The following TTC23L variants were observed in gnomAD, a reference collection of about 807,000 sequenced individuals.
The protein encoded by TTC23L is tetratricopeptide repeat protein 23-like.
TTC23L carries 42 observed loss-of-function variants against 48.1 expected under a neutral mutation model. The observed-to-expected ratio is 0.87, with a 90% confidence interval of 0.68 to 1.13. TTC23L has a LOEUF of 1.13. TTC23L is among the 50% of genes most tolerant of loss of function. TTC23L has a pLI of 0.00. For synonymous variants in TTC23L, 159 were observed against 157.2 expected, an observed-to-expected ratio of 1.01 and a Z score of -0.09; for missense variants, 391 against 421.0, an observed-to-expected ratio of 0.93 and a Z score of 0.62.
intron 9 of TTC23L, among the ~76,000 whole-genome samples, chr5:34,884,177 A>G (rs1762409642): frequency 6.6e-6 from 1 of 152,220 alleles, no homozygotes; most frequent in Non-Finnish European, 1.5e-5. Context: ...TGAGATGCAG[A>G]AAAAGCATTG....
At chr5:34,903,813 T>A (rs534694118), downstream of TTC23L, among the ~76,000 whole-genome samples, 1 of 152,310 alleles carries the variant, frequency 6.6e-6, no homozygotes, top group South Asian at 2.1e-4. Flanking sequence ...ACAGAGCTCT[T>A]ACAATTCTTC....
the TTC23L span, chr5:34,911,886 A>G: frequency 1.5e-5 from 22 of 1,505,238 alleles, no homozygotes; most frequent in East Asian, 2.3e-5. Flanking sequence ...AATGATACAT[A>G]AAATTTCTCA....
At chr5:34,873,475 A>G (rs1356712808) in intron 8 of TTC23L, among the ~76,000 whole-genome samples, 3 of 152,180 alleles carry the variant, frequency 2.0e-5, no homozygotes, top group East Asian at 1.9e-4. Flanking sequence ...GAGAATTGCA[A>G]TGTTATCACC....
Position 34,856,684 on chromosome 5 carries a change from A to G in TTC23L, c.380-6214A>G, listed in dbSNP as rs1467017772. Among the ~76,000 whole-genome samples the G allele has an allele frequency of 2.0e-5, 3 of 152,264 alleles. No homozygotes were observed. In the South Asian group the frequency reaches 6.2e-4, roughly 32 times the overall value. On this transcript the variant is annotated intron_variant, in intron 4 of 10. Transcript: ENST00000505624. Reference sequence around the variant, plus strand: ...AATGGACACATTAATGGTAGAGAACAAAGGACCTTGATAAAGAGTTAGCAA... The same window carrying G: ...AATGGACACATTAATGGTAGAGAACGAAGGACCTTGATAAAGAGTTAGCAA...
intron 4 of TTC23L, among the ~76,000 whole-genome samples, chr5:34,855,858 A>G (rs1760087392): frequency 1.3e-5 from 2 of 152,344 alleles, no homozygotes; most frequent in Non-Finnish European, 1.5e-5. Context: ...GTACACAAGA[A>G]TGAAACAAAA....
chr5:34,873,409 A>T (rs1297463753), intron 8 of TTC23L, among the ~76,000 whole-genome samples: 1 of 152,166 alleles, frequency 6.6e-6, no homozygotes, highest in Non-Finnish European at 1.5e-5. Context: ...GTAAAGAGAA[A>T]ATCAGTGGCC....
At chr5:34,923,238 A>G in the TTC23L span, 1 of 1,581,138 alleles carries the variant, frequency 6.3e-7, no homozygotes, top group Non-Finnish European at 8.7e-7. Flanking sequence ...CTTTCAGGTA[A>G]GCTTTACTTG....
At chr5:34,874,881 C>G (rs1432486372) in intron 8 of TTC23L, among the ~76,000 whole-genome samples, 3 of 152,090 alleles carry the variant, frequency 2.0e-5, no homozygotes, top group African/African-American at 7.2e-5. Flanking sequence ...TTTTAAACAT[C>G]AGTGGTCTAA....
chr5:34,857,926 C>A (rs914495380), intron 4 of TTC23L, among the ~76,000 whole-genome samples: 2 of 152,160 alleles, frequency 1.3e-5, no homozygotes, highest in Non-Finnish European at 2.9e-5. Flanking sequence ...AGATGCTGAT[C>A]AAAGGTGACT....
chr5:34,925,286 G>A, the TTC23L span: 2 of 1,611,666 alleles, frequency 1.2e-6, no homozygotes, highest in Non-Finnish European at 1.7e-6. Context: ...GCAAGTGAAA[G>A]ATGTGCAAAA....
At chr5:34,912,270 C>T in the TTC23L span, among the ~76,000 whole-genome samples, 1 of 152,152 alleles carries the variant, frequency 6.6e-6, no homozygotes, top group African/African-American at 2.4e-5. Flanking sequence ...ACTTTTCCAA[C>T]TGGGAGATAT....
downstream of TTC23L, among the ~76,000 whole-genome samples, chr5:34,902,965 A>G (rs74946049): frequency 7.2e-6 from 1 of 138,450 alleles, no homozygotes; most frequent in Non-Finnish European, 1.5e-5. Context: ...GACTGACATT[A>G]AAAAAAAAAA....
the TTC23L span, chr5:34,907,487 G>C: frequency 6.6e-6 from 1 of 152,164 alleles, no homozygotes; most frequent in Non-Finnish European, 1.5e-5. Context: ...CTTTACTCAT[G>C]TAATTTTTTC....
intron 9 of TTC23L, among the ~76,000 whole-genome samples, chr5:34,895,805 T>G (rs1763185428): frequency 6.6e-6 from 1 of 152,212 alleles, no homozygotes; most frequent in Non-Finnish European, 1.5e-5. Context: ...CTGCAGTACA[T>G]TTTGTATCAG....
intron 9 of TTC23L, among the ~76,000 whole-genome samples, chr5:34,886,413 G>A (rs1002354242): frequency 1.3e-5 from 2 of 149,104 alleles, no homozygotes; most frequent in African/African-American, 4.9e-5. Context: ...CTTACAGACT[G>A]CTAAAGGCTT....
chr5:34,847,639 T>C (rs1450444530), intron 3 of TTC23L, among the ~76,000 whole-genome samples: 1 of 152,182 alleles, frequency 6.6e-6, no homozygotes, highest in Non-Finnish European at 1.5e-5. Flanking sequence ...GAATATACAA[T>C]GTCCAGAGCC....
intron 7 of TTC23L, chr5:34,867,662 C>A (rs1580453982): frequency 6.5e-6 from 1 of 153,844 alleles, no homozygotes; most frequent in Non-Finnish European, 1.4e-5. Flanking sequence ...TTCACCTTTT[C>A]TCTCTCCGAA....
the TTC23L span, chr5:34,909,361 A>G: frequency 4.5e-6 from 7 of 1,562,070 alleles, no homozygotes; most frequent in East Asian, 2.2e-5. Context: ...GATAACCTAT[A>G]GAAAATGATT....
rs1762530796 is a variant in TTC23L at position 34,886,279 on chromosome 5, T to TTATG, written c.1077+5973_1077+5976dup. Among the ~76,000 whole-genome samples the TTATG allele has an allele frequency of 1.1e-4, 16 of 151,862 alleles. No individual in the cohort carries two copies. In the South Asian group the frequency reaches 3.3e-3, roughly 32 times the overall value. ...ATCACAACGGACTGATCCTGGTGGG[T>TTATG]TATGTCATTGTTGGGTACAATGCCT... is the stretch of plus-strand genomic sequence containing the variant. On this transcript the variant is annotated intron_variant, in intron 9 of 10. Transcript: ENST00000505624.
Sources: gnomAD v4.1 joint callset for allele counts (sites outside exome capture counted in the v4.1 genomes callset) on GRCh38, gnomAD v4.1.1 for gene constraint, MANE v1.5 for transcripts, NCBI Gene and HGNC (gene_info 2026-07-23, HGNC 2026-07-21) for gene names.